The following ETV6 variants were observed in gnomAD, a reference collection of about 807,000 sequenced individuals.
The protein encoded by ETV6 is transcription factor ETV6.
Under a neutral mutation model 51.1 loss-of-function variants are expected in ETV6, and 16 were observed. That is an observed-to-expected ratio of 0.31 (90% confidence interval 0.21 to 0.48). The LOEUF (loss-of-function observed/expected upper bound fraction) is 0.48, where lower values mean the gene tolerates loss of function less well. ETV6 is among the 20% of genes least tolerant of loss of function. The pLI, the probability that ETV6 is intolerant of heterozygous loss-of-function variation, is 0.99. For missense variants in ETV6, 458 were observed against 594.8 expected, an observed-to-expected ratio of 0.77 and a Z score of 2.39; for synonymous variants, 240 against 224.1, an observed-to-expected ratio of 1.07 and a Z score of -0.64.
At chr12:11,855,459 G>A (rs1271706808) in intron 4 of ETV6, among the ~76,000 whole-genome samples, 1 of 152,190 alleles carries the variant, frequency 6.6e-6, no homozygotes, top group Non-Finnish European at 1.5e-5. Flanking sequence ...ACGTGCATCA[G>A]TTTCTTCATG....
intron 1 of ETV6, among the ~76,000 whole-genome samples, chr12:11,728,257 G>T (rs1450880342): frequency 6.6e-6 from 1 of 152,202 alleles, no homozygotes; most frequent in Non-Finnish European, 1.5e-5. Context: ...ATTATGCAGT[G>T]ACAAGCACTT....
chr12:11,894,075 A>G lies in ETV6; in HGVS notation c.*3029A>G, dbSNP rs1317878406. 2 of 228,404 alleles carry G rather than the reference A, an allele frequency of 8.8e-6. No individual in the cohort carries two copies. Among genetic ancestry groups the G allele is most frequent in the African/African-American group, 2.2e-5 (1 of 44,986 alleles). The allele number at this position is 228,404 out of a possible 1,614,324, so 14.1% of individuals were successfully genotyped here. A position where few individuals can be genotyped will look rare whatever the true frequency, so the allele number is the denominator to read the frequency against. ...TATTTACACCCTGCAGACCCTAAAG[A>G]TTTCAGATTCAGTTAGCAAACCTTG... On this transcript the variant is annotated 3_prime_UTR_variant, in exon 8 of 8. Transcript: ENST00000396373.
At chr12:11,723,793 C>G (rs1162214732) in intron 1 of ETV6, among the ~76,000 whole-genome samples, 1 of 152,178 alleles carries the variant, frequency 6.6e-6, no homozygotes, top group Non-Finnish European at 1.5e-5. Context: ...GGTGGCATCA[C>G]CAACCATTGA....
intron 1 of ETV6, among the ~76,000 whole-genome samples, chr12:11,660,091 A>G (rs1434683606): frequency 6.6e-6 from 1 of 152,244 alleles, no homozygotes; most frequent in African/African-American, 2.4e-5. Flanking sequence ...AAAATGTTTG[A>G]GGCAATAGAT....
At chr12:11,804,722 T>C (rs537430274) in intron 2 of ETV6, among the ~76,000 whole-genome samples, 3 of 152,334 alleles carry the variant, frequency 2.0e-5, no homozygotes, top group Admixed American at 1.3e-4. Flanking sequence ...CCACCTGACA[T>C]GTAATTTTTT....
chr12:11,659,158 A>G (rs1398047240), intron 1 of ETV6, among the ~76,000 whole-genome samples: 1 of 152,246 alleles, frequency 6.6e-6, no homozygotes, highest in African/African-American at 2.4e-5. Flanking sequence ...GAAGAGTTTG[A>G]AAAGGCCAAG....
In ETV6 at chr12:11,849,000, C is replaced by T. The variant is rs148648323; in HGVS notation, c.329-4427C>T. Among the ~76,000 whole-genome samples the T allele has an allele frequency of 3.6e-3, 548 of 152,302 alleles. 14 individuals carry two copies. Among genetic ancestry groups the T allele is most frequent in the Admixed American group, 0.033 (501 of 15,310 alleles). The stretch of plus-strand genomic sequence containing the variant: ...TGAAAAATGCCCTTTGAATTTCAGC[C>T]ATTAGCTAAGTTAGATATACAGTGC... On this transcript the variant is annotated intron_variant, in intron 3 of 7. Coordinates refer to ENST00000396373, the MANE Select transcript of ETV6 (RefSeq NM_001987.5).
Position 11,752,596 on chromosome 12 carries a change from C to T in ETV6, c.163+17C>T, listed in dbSNP as rs539765123. The T allele has an allele frequency of 1.4e-5, 22 of 1,605,950 alleles. No individual in the cohort carries two copies. Among genetic ancestry groups the T allele is most frequent in the African/African-American group, 6.7e-5 (5 of 74,932 alleles). ...CGCACCTGCGTGAGTGTTCGTGACC[C>T]GAGAGGGACAGAGGATTGATGGCGT... is the stretch of plus-strand genomic sequence containing the variant. On this transcript the variant is annotated intron_variant, in intron 2 of 7. Coordinates refer to ENST00000396373, the MANE Select transcript of ETV6 (RefSeq NM_001987.5).
chr12:11,884,220 G>A (rs968217751), intron 5 of ETV6, among the ~76,000 whole-genome samples: 1 of 152,148 alleles, frequency 6.6e-6, no homozygotes, highest in Non-Finnish European at 1.5e-5. Flanking sequence ...GGAGGCTGTC[G>A]CCTGGATCAT....
At chr12:11,754,587 A>G (rs1944979126) in intron 2 of ETV6, among the ~76,000 whole-genome samples, 1 of 152,248 alleles carries the variant, frequency 6.6e-6, no homozygotes, top group Non-Finnish European at 1.5e-5. Context: ...CAGTTCTCCT[A>G]GCATACAATA....
intron 4 of ETV6, among the ~76,000 whole-genome samples, chr12:11,867,104 C>A (rs1350693503): frequency 6.6e-6 from 1 of 152,186 alleles, no homozygotes; most frequent in Non-Finnish European, 1.5e-5. Flanking sequence ...GAGTGAAATC[C>A]TCTCCGGTTT....
intron 2 of ETV6, among the ~76,000 whole-genome samples, chr12:11,823,513 C>G (rs1946112118): frequency 6.7e-6 from 1 of 148,390 alleles, no homozygotes; most frequent in Non-Finnish European, 1.5e-5. Flanking sequence ...GTCTCCCAGG[C>G]TGGAGTGCGG....
rs1865755600 is a variant in ETV6 at position 11,738,710 on chromosome 12, G to A, written c.34-13740G>A. 3.3e-5 allele frequency among the ~76,000 whole-genome samples: 5 copies of A among 152,218 alleles called. No individual in the cohort carries two copies. The South Asian group carries it at 1.0e-3, about 32-fold the overall frequency. ...ATGCTCTCTAGGAACTTCGAGTCAG[G>A]TATTTCACTTTGTAAAGAACTTCCA... is the stretch of plus-strand genomic sequence containing the variant. On this transcript the variant is annotated intron_variant, in intron 1 of 7. Transcript: ENST00000396373.
At chr12:11,779,101 G>A (rs763636020) in intron 2 of ETV6, among the ~76,000 whole-genome samples, 7 of 152,120 alleles carry the variant, frequency 4.6e-5, no homozygotes, top group African/African-American at 7.2e-5. Context: ...TTTGGGCTTC[G>A]ACCAAACATA....
At chr12:11,815,734 A>T (rs1349577283) in intron 2 of ETV6, among the ~76,000 whole-genome samples, 1 of 152,218 alleles carries the variant, frequency 6.6e-6, no homozygotes, top group Admixed American at 6.5e-5. Context: ...GAAGAGCTTG[A>T]TGTGTGTGAT....
rs1863859957 is a variant in ETV6 at position 11,650,024 on chromosome 12, C to A, written c.-104C>A. 3.7e-6 allele frequency: 4 copies of A among 1,094,472 alleles called. No individual in the cohort carries two copies. The highest frequency in any genetic ancestry group is 5.6e-6 in the Non-Finnish European group (4 of 711,618). The allele number at this position is 1,094,472 out of a possible 1,614,324, so 67.8% of individuals were successfully genotyped here. A position where few individuals can be genotyped will look rare whatever the true frequency, so the allele number is the denominator to read the frequency against. On this transcript the variant is annotated 5_prime_UTR_variant, in exon 1 of 8. Transcript: ENST00000396373. ...CCGGGAGAGATGCTGGAAGAAACTT[C>A]TTAAATGACCGCGTCTGGCTGGCCG...
intron 2 of ETV6, among the ~76,000 whole-genome samples, chr12:11,809,496 A>G (rs1409857382): frequency 6.6e-6 from 1 of 152,204 alleles, no homozygotes; most frequent in Non-Finnish European, 1.5e-5. Context: ...TTTGCAAAAC[A>G]TTAATGTGTC....
intron 1 of ETV6, among the ~76,000 whole-genome samples, chr12:11,683,695 A>T (rs1247532372): frequency 6.6e-6 from 1 of 152,224 alleles, no homozygotes; most frequent in Admixed American, 6.5e-5. Flanking sequence ...CCATACCTCA[A>T]GGAACTGAGA....
intron 1 of ETV6, among the ~76,000 whole-genome samples, chr12:11,720,338 G>C (rs1276272350): frequency 6.6e-6 from 1 of 152,176 alleles, no homozygotes; most frequent in Non-Finnish European, 1.5e-5. Flanking sequence ...TTTTTAGGGA[G>C]AGGCAAAGGC....
Sources: gnomAD v4.1 joint callset for allele counts (sites outside exome capture counted in the v4.1 genomes callset) on GRCh38, gnomAD v4.1.1 for gene constraint, MANE v1.5 for transcripts, NCBI Gene and HGNC (gene_info 2026-07-23, HGNC 2026-07-21) for gene names.